PVT1: variants seen among roughly 807,000 people sequenced by gnomAD.
PVT1 encodes the protein Pvt1 oncogene, also known as CXCR4/PVT1 fusion.
In PVT1 at chr8:128,072,983, G is replaced by A. The variant is rs375995411; in HGVS notation, n.1114+2622G>A. On this transcript the variant is annotated intron_variant and non_coding_transcript_variant, in intron 5 of 10. Transcript: ENST00000651587. Reference sequence around the variant, plus strand: ...TAAGTAGCTGGGATTACAGTTGTGCGCCACCATGCCTAGCTAATTTTTGTA... The same window carrying A: ...TAAGTAGCTGGGATTACAGTTGTGCACCACCATGCCTAGCTAATTTTTGTA... 1.1e-4 allele frequency among the ~76,000 whole-genome samples: 17 copies of A among 152,072 alleles called. No individual in the cohort carries two copies. The South Asian group carries it at 1.5e-3, about 13-fold the overall frequency.
chr8:127,829,575 A>G (rs887425907), intron 2 of PVT1, among the ~76,000 whole-genome samples: 3 of 152,176 alleles, frequency 2.0e-5, no homozygotes, highest in Non-Finnish European at 4.4e-5. Context: ...AGCCCAATGT[A>G]AAGAAAGCGC....
intron 3 of PVT1, among the ~76,000 whole-genome samples, chr8:127,938,946 G>A (rs1816311219): frequency 6.6e-6 from 1 of 152,236 alleles, no homozygotes; most frequent in Admixed American, 6.5e-5. Flanking sequence ...CATAGATGAG[G>A]AAACTGAGGC....
At chr8:127,889,881 T>G (rs1202424149) in intron 2 of PVT1, among the ~76,000 whole-genome samples, 1 of 152,170 alleles carries the variant, frequency 6.6e-6, no homozygotes, top group Non-Finnish European at 1.5e-5. Context: ...TTGTTATCAT[T>G]GGGTGGATGG....
chr8:128,034,514 C>T (rs1376539540), intron 4 of PVT1, among the ~76,000 whole-genome samples: 1 of 152,218 alleles, frequency 6.6e-6, no homozygotes, highest in Non-Finnish European at 1.5e-5. Flanking sequence ...GTCAACTGAA[C>T]CATTTGAAGG....
chr8:127,859,112 G>GGCTC (rs1281399385), intron 2 of PVT1, among the ~76,000 whole-genome samples: 1 of 151,930 alleles, frequency 6.6e-6, no homozygotes, highest in Non-Finnish European at 1.5e-5. Context: ...CTGGCCTGAA[G>GGCTC]GCTCGTTTGT....
chr8:127,884,759 C>T (rs778293346), intron 2 of PVT1, among the ~76,000 whole-genome samples: 6 of 152,204 alleles, frequency 3.9e-5, no homozygotes, highest in African/African-American at 7.2e-5. Context: ...TTTCATGATA[C>T]GGGAAATCCC....
intron 2 of PVT1, among the ~76,000 whole-genome samples, chr8:127,835,999 G>A (rs1814904884): frequency 6.6e-6 from 1 of 152,110 alleles, no homozygotes; most frequent in Admixed American, 6.6e-5. Context: ...GCTGGTCCCA[G>A]ATCCTAGAAT....
At chr8:128,031,120 C>G (rs1242938711) in intron 4 of PVT1, among the ~76,000 whole-genome samples, 1 of 152,186 alleles carries the variant, frequency 6.6e-6, no homozygotes, top group Non-Finnish European at 1.5e-5. Flanking sequence ...CTGGCCTGTT[C>G]CAGGACAGAT....
intron 2 of PVT1, among the ~76,000 whole-genome samples, chr8:127,875,662 G>A (rs1815397187): frequency 6.6e-6 from 1 of 152,136 alleles, no homozygotes; most frequent in Non-Finnish European, 1.5e-5. Flanking sequence ...TGAGACAAAG[G>A]GAAGTTCCTA....
At chr8:127,888,131 G>T (rs186287970) in intron 2 of PVT1, among the ~76,000 whole-genome samples, 3 of 151,446 alleles carry the variant, frequency 2.0e-5, no homozygotes, top group African/African-American at 7.3e-5. Context: ...TAGTAGAGAC[G>T]GGGTTTCACC....
chr8:128,081,766 A>G (rs1019207007), intron 5 of PVT1, among the ~76,000 whole-genome samples: 5 of 152,212 alleles, frequency 3.3e-5, no homozygotes, highest in Middle Eastern at 3.2e-3. Context: ...TTCACTGTAC[A>G]GATGAAAACA....
At chr8:128,081,628 C>T (rs117073508) in intron 5 of PVT1, among the ~76,000 whole-genome samples, 2,185 of 152,268 alleles carry the variant, frequency 0.014, 17 homozygotes, top group Non-Finnish European at 0.024. Context: ...TCCTAAGCCT[C>T]TAAGCTTTCT....
At chr8:127,876,397 A>G (rs1815405773) in intron 2 of PVT1, among the ~76,000 whole-genome samples, 1 of 148,436 alleles carries the variant, frequency 6.7e-6, no homozygotes, top group Admixed American at 6.6e-5. Flanking sequence ...TGCTATTCTG[A>G]CAGGTTTTTA....
intron 2 of PVT1, among the ~76,000 whole-genome samples, chr8:127,869,258 G>A (rs1032633809): frequency 3.9e-5 from 6 of 151,930 alleles, no homozygotes; most frequent in African/African-American, 1.5e-4. Context: ...AGCCTCCTGA[G>A]TAGCTGGGAT....
intron 3 of PVT1, among the ~76,000 whole-genome samples, chr8:127,980,594 C>T (rs1396612943): frequency 6.6e-6 from 1 of 152,086 alleles, no homozygotes. Context: ...ACCTGTCCAC[C>T]ATAGGAAATT....
chr8:128,054,744 T>C (rs1411365911), intron 4 of PVT1, among the ~76,000 whole-genome samples: 1 of 152,234 alleles, frequency 6.6e-6, no homozygotes, highest in Non-Finnish European at 1.5e-5. Context: ...CTGGGAATGC[T>C]GGGCCCAGGT....
At chr8:127,973,681 A>G (rs75718755) in intron 3 of PVT1, among the ~76,000 whole-genome samples, 190 of 28,698 alleles carry the variant, frequency 6.6e-3, no homozygotes, top group Middle Eastern at 0.036. Flanking sequence ...TGCCTTTTTG[A>G]AAAAAAAAAA....
chr8:127,962,733 A>T (rs1038585037), intron 3 of PVT1, among the ~76,000 whole-genome samples: 1 of 151,888 alleles, frequency 6.6e-6, no homozygotes, highest in African/African-American at 2.4e-5. Flanking sequence ...AGTAGCTGGG[A>T]TTACAGGGGC....
chr8:128,051,160 G>A (rs1813689432), intron 4 of PVT1, among the ~76,000 whole-genome samples: 1 of 152,192 alleles, frequency 6.6e-6, no homozygotes, highest in African/African-American at 2.4e-5. Context: ...TTGTGTCTGT[G>A]CTTCACACTG....
Sources: gnomAD v4.1 joint callset for allele counts (sites outside exome capture counted in the v4.1 genomes callset) on GRCh38, gnomAD v4.1.1 for gene constraint, MANE v1.5 for transcripts, NCBI Gene and HGNC (gene_info 2026-07-23, HGNC 2026-07-21) for gene names.